Variants in CENPU observed in about 807,000 individuals in gnomAD.
CENPU encodes KSHV latent nuclear antigen interacting protein 1.
In CENPU, 46 loss-of-function variants were observed where a neutral mutation model predicts 56.7. The observed-to-expected ratio is 0.81, with a 90% CI of 0.64 to 1.04. The LOEUF is 1.04. CENPU is among the 50% of genes least tolerant of loss of function. The probability of loss-of-function intolerance (pLI) is 0.00; values close to 1 mark genes in which losing one functional copy is unlikely to be tolerated. For synonymous variants in CENPU, 166 were observed against 163.0 expected (o/e 1.02, Z -0.14); for missense variants, 510 against 490.1 (o/e 1.04, Z -0.38).
chr4:184,694,443 T>TA lies in CENPU; in HGVS notation c.*844dup. 1.3e-6 allele frequency: 2 copies of TA among 1,507,684 alleles called. No homozygotes were observed. The highest frequency in any genetic ancestry group is 1.4e-5 in the African/African-American group (1 of 71,302). 93.4% of individuals were successfully genotyped at this position (1,507,684 alleles called of 1,614,324 possible). A position where few individuals can be genotyped will look rare whatever the true frequency, so the allele number is the denominator to read the frequency against. On this transcript the variant is annotated 3_prime_UTR_variant, in exon 13 of 13. Coordinates refer to ENST00000281453, the MANE Select transcript of CENPU (RefSeq NM_024629.4). The stretch of plus-strand genomic sequence containing the variant: ...TGTCACTTAATACCTTACTTCAACA[T>TA]AGAGTATAAGGTTAAATCACATATC...
chr4:184,717,867 A>G (rs185479160), intron 4 of CENPU, among the ~76,000 whole-genome samples: 1 of 152,366 alleles, frequency 6.6e-6, no homozygotes, highest in African/African-American at 2.4e-5. Flanking sequence ...AACCTTTTTC[A>G]GGAAAACAAG....
At chr4:184,713,049 G>GAAAAC in intron 6 of CENPU, 36 bp from the exon 7 acceptor site, 1 of 1,364,282 alleles carries the variant, frequency 7.3e-7, no homozygotes, top group Non-Finnish European at 1.0e-6. Flanking sequence ...TTTAAGAAAA[G>GAAAAC]TTTTCTTTCT....
intron 1 of CENPU, among the ~76,000 whole-genome samples, chr4:184,732,077 CTT>C (rs1475976723): frequency 6.6e-6 from 1 of 152,074 alleles, no homozygotes; most frequent in East Asian, 1.9e-4. Flanking sequence ...CCTATAATGT[CTT>C]TTAAGATTGC....
intron 11 of CENPU, among the ~76,000 whole-genome samples, chr4:184,700,494 T>C (rs1760497345): frequency 6.6e-6 from 1 of 152,140 alleles, no homozygotes; most frequent in African/African-American, 2.4e-5. Flanking sequence ...AGCCAGTAAG[T>C]GGCAGAGCTT....
chr4:184,723,478 T>C (rs1761345187), intron 4 of CENPU, among the ~76,000 whole-genome samples: 1 of 151,220 alleles, frequency 6.6e-6, no homozygotes, highest in Non-Finnish European at 1.5e-5. Context: ...TGTTTAAAAA[T>C]TACATTCACC....
intron 6 of CENPU, among the ~76,000 whole-genome samples, chr4:184,715,161 TGAA>T (rs961786600): frequency 2.0e-5 from 3 of 152,190 alleles, no homozygotes; most frequent in Non-Finnish European, 4.4e-5. Context: ...GGTGGAAAGG[TGAA>T]GAAGACAGGG....
chr4:184,717,017 T>C, intron 5 of CENPU, 119 bp downstream of exon 5: 1 of 695,984 alleles, frequency 1.4e-6, no homozygotes, highest in Non-Finnish European at 2.4e-6. Flanking sequence ...TACGGAATGT[T>C]TTCTCTATTT....
chr4:184,700,495 GGCAGA>G (rs1211509839), intron 11 of CENPU, among the ~76,000 whole-genome samples: 1 of 152,154 alleles, frequency 6.6e-6, no homozygotes. Flanking sequence ...GCCAGTAAGT[GGCAGA>G]GCTTGGGTTC....
rs993674770 is a variant in CENPU at position 184,716,518 on chromosome 4, C to T, written c.497G>A (p.Arg166Gln). Residue 166 changes from arginine to glutamine, a missense_variant, in exon 6 of 13, where the codon CGA becomes CAA. Transcript: ENST00000281453. ...TGAAAGTTCTGAAGACGCTGTGGTT[C>T]GAATAACCTCATGACGTTGTGTACT... ...KISTQRHEVI[R>Q]TTASSELSEK... The T allele has an allele frequency of 3.7e-6, 6 of 1,613,978 alleles. No individual in the cohort carries two copies. Among genetic ancestry groups the T allele is most frequent in the African/African-American group, 1.3e-5 (1 of 74,902 alleles).
At chr4:184,705,828 G>A (rs1760709042) in intron 8 of CENPU, among the ~76,000 whole-genome samples, 1 of 152,188 alleles carries the variant, frequency 6.6e-6, no homozygotes, top group South Asian at 2.1e-4. Context: ...GAGCCTTGAG[G>A]ACATGCTAAG....
intron 4 of CENPU, among the ~76,000 whole-genome samples, chr4:184,718,123 C>T (rs946504219): frequency 8.5e-5 from 13 of 152,242 alleles, no homozygotes; most frequent in Admixed American, 5.9e-4. Flanking sequence ...TCTGCACCCA[C>T]TGCAGCGCCT....
At chr4:184,733,866 G>C in intron 1 of CENPU, 150 bp downstream of exon 1, 1 of 1,033,368 alleles carries the variant, frequency 9.7e-7, no homozygotes, top group East Asian at 2.4e-5. Flanking sequence ...CCACTAGACT[G>C]AGGAGGAAGC....
Position 184,734,000 on chromosome 4 carries a change from G to A in CENPU, c.47+16C>T, listed in dbSNP as rs969059551. On this transcript the variant is annotated intron_variant, in intron 1 of 12. Transcript: ENST00000281453. ...TGGTCTCCGGCCCCGCGCTCCCGAG[G>A]GTCGGCAGTACTTACCCCTCAGACC... 5 of 1,610,106 alleles carry A rather than the reference G, an allele frequency of 3.1e-6. No individual in the cohort carries two copies. Among genetic ancestry groups the A allele is most frequent in the East Asian group, 2.2e-5 (1 of 44,780 alleles).
At chr4:184,713,599 G>A (rs1308454529) in intron 6 of CENPU, among the ~76,000 whole-genome samples, 1 of 152,316 alleles carries the variant, frequency 6.6e-6, no homozygotes, top group East Asian at 1.9e-4. Context: ...TGTGGAATCA[G>A]CTCAAATTTC....
chr4:184,733,513 A>C (rs2871416), intron 1 of CENPU: 532,162 of 694,554 alleles, frequency 0.77, 205,662 homozygotes, highest in Non-Finnish European at 0.79. Context: ...GTAAACAAAA[A>C]CCGCTCGAGC....
chr4:184,717,394 C>G (rs1348848742), intron 4 of CENPU, among the ~76,000 whole-genome samples, 198 bp from the exon 5 acceptor site: 1 of 152,174 alleles, frequency 6.6e-6, no homozygotes, highest in Non-Finnish European at 1.5e-5. Flanking sequence ...TGAGTTTATC[C>G]CAGGCAAGCA....
chr4:184,715,937 GT>G (rs5864897), intron 6 of CENPU, among the ~76,000 whole-genome samples: 24 of 135,786 alleles, frequency 1.8e-4, no homozygotes, highest in Non-Finnish European at 2.0e-4. Context: ...CTTTTTTTTT[GT>G]TTTTTTTTTT....
chr4:184,702,439 TG>T lies in CENPU; in HGVS notation c.799del (p.Gln267LysfsTer3). 1 of 1,607,510 alleles carries T rather than the reference TG, an allele frequency of 6.2e-7. No homozygotes were observed. The highest frequency in any genetic ancestry group is 8.5e-7 in the Non-Finnish European group (1 of 1,177,562). On this transcript the variant is annotated frameshift_variant and splice_region_variant, in exon 9 of 13. Transcript: ENST00000281453. LOFTEE classifies it high-confidence loss of function. ...EFEKTHLEHQ[Q>X]RIESKVCKAA... The stretch of plus-strand genomic sequence containing the variant: ...CTTACAAACTTTAGATTCTATTCTT[TG>T]TCTGTAGAGGAATTAAAAAAAAGTC...
Position 184,716,478 on chromosome 4 carries a change from C to T in CENPU, c.537G>A (p.Glu179=). 6.2e-7 allele frequency: 1 copy of T among 1,614,172 alleles called. No homozygotes were observed. Among genetic ancestry groups the T allele is most frequent in the Non-Finnish European group, 8.5e-7 (1 of 1,180,022 alleles). The change falls in exon 6 of 13, where the codon GAG becomes GAA. Residue 179 remains glutamate (E), a synonymous_variant. Coordinates refer to ENST00000281453, the MANE Select transcript of CENPU (RefSeq NM_024629.4). ...GTCCTGTCTTTTTAGAAGTGACAGA[C>T]TCAGCTGGTTTCTCTGAAAGTTCTG... The part of the protein sequence containing the change: ...ASSELSEKPA[E]SVTSKKTGPL...
Sources: gnomAD v4.1 joint callset for allele counts (sites outside exome capture counted in the v4.1 genomes callset) on GRCh38, gnomAD v4.1.1 for gene constraint, MANE v1.5 for transcripts, NCBI Gene and HGNC (gene_info 2026-07-23, HGNC 2026-07-21) for gene names.